Variants in CRYM observed in about 807,000 individuals in gnomAD.
CRYM encodes crystallin mu, also known as ketimine reductase mu-crystallin.
A neutral mutation model predicts 32.9 loss-of-function variants in CRYM; 18 were observed. That is an observed-to-expected ratio of 0.55 (90% CI 0.38 to 0.81). The LOEUF (loss-of-function observed/expected upper bound fraction) is 0.81, where lower values mean the gene tolerates loss of function less well. Among genes scored for constraint, CRYM ranks in the 30% least tolerant of loss-of-function variants. CRYM has a pLI of 0.00. For missense variants in CRYM, 337 were observed against 393.5 expected (o/e 0.86, Z 1.21); for synonymous variants, 153 against 152.4 (o/e 1.00, Z -0.03).
At chr16:21,289,582 T>C (rs577735309) in intron 1 of CRYM, among the ~76,000 whole-genome samples, 1 of 152,328 alleles carries the variant, frequency 6.6e-6, no homozygotes, top group South Asian at 2.1e-4. Context: ...TAATCACTGA[T>C]AGGGAAAGAC....
intron 5 of CRYM, among the ~76,000 whole-genome samples, chr16:21,265,887 G>A (rs367963434): frequency 6.6e-6 from 1 of 152,242 alleles, no homozygotes; most frequent in East Asian, 1.9e-4. Context: ...TGGACTCTGA[G>A]GATAGAGTGC....
intron 3 of CRYM, among the ~76,000 whole-genome samples, chr16:21,275,202 CTTA>C (rs1412059948): frequency 1.3e-5 from 2 of 152,196 alleles, no homozygotes; most frequent in African/African-American, 4.8e-5. Context: ...TACTCTAGCA[CTTA>C]TTAGCTGTGT....
intron 1 of CRYM, among the ~76,000 whole-genome samples, chr16:21,297,250 C>T (rs1422524303): frequency 6.6e-6 from 1 of 151,886 alleles, no homozygotes; most frequent in African/African-American, 2.4e-5. Flanking sequence ...AAAAATTAGC[C>T]GGGCATGGTG....
upstream of CRYM, among the ~76,000 whole-genome samples, chr16:21,282,925 T>C (rs1435483408): frequency 1.3e-5 from 2 of 151,802 alleles, no homozygotes; most frequent in Non-Finnish European, 2.9e-5. Context: ...GTTTATTTTA[T>C]TATTATTAAA....
intron 1 of CRYM, among the ~76,000 whole-genome samples, chr16:21,290,529 C>T (rs1414565288): frequency 3.3e-5 from 5 of 151,982 alleles, no homozygotes; most frequent in Admixed American, 6.5e-5. Flanking sequence ...TTGAAGTCAG[C>T]GAGACCAAGA....
chr16:21,258,919 G>A, intron 7 of CRYM, 74 bp from the exon 8 acceptor site: 1 of 1,200,058 alleles, frequency 8.3e-7, no homozygotes. Flanking sequence ...CCCATGGCTG[G>A]AAGTTTCCTG....
At chr16:21,263,623 G>A (rs1238801399) in intron 5 of CRYM, among the ~76,000 whole-genome samples, 3 of 152,196 alleles carry the variant, frequency 2.0e-5, no homozygotes, top group African/African-American at 7.2e-5. Context: ...AAAGAAAACT[G>A]GCTCCGTCCT....
upstream of CRYM, among the ~76,000 whole-genome samples, chr16:21,281,185 T>C (rs2093397530): frequency 6.6e-6 from 1 of 151,626 alleles, no homozygotes; most frequent in Non-Finnish European, 1.5e-5. Flanking sequence ...TATACGTATC[T>C]ATGTATCTAT....
chr16:21,301,966 G>A (rs1960954423), intron 1 of CRYM, among the ~76,000 whole-genome samples: 1 of 152,208 alleles, frequency 6.6e-6, no homozygotes, highest in Non-Finnish European at 1.5e-5. Flanking sequence ...CGACGCCCGG[G>A]AGGCCCACCC....
At chr16:21,291,692 G>A (rs1449422726) in intron 1 of CRYM, among the ~76,000 whole-genome samples, 2 of 152,132 alleles carry the variant, frequency 1.3e-5, no homozygotes. Flanking sequence ...CTTTGCATGT[G>A]CTTATTTGCC....
At chr16:21,289,157 G>C (rs1052019926) in intron 1 of CRYM, among the ~76,000 whole-genome samples, 46 of 152,034 alleles carry the variant, frequency 3.0e-4, no homozygotes, top group African/African-American at 9.9e-4. Context: ...CAATGTAGTT[G>C]TTCTATAATT....
chr16:21,301,241 G>A (rs1295550770), intron 1 of CRYM: 3 of 152,494 alleles, frequency 2.0e-5, no homozygotes, highest in Non-Finnish European at 4.4e-5. Context: ...TGGCACACGA[G>A]GGAGAGAGAA....
rs1416597898 is a variant in CRYM, at chr16:21,273,895, T to C, written c.387+1637A>G. Among the ~76,000 whole-genome samples, 3 of 152,362 alleles carry C rather than the reference T, an allele frequency of 2.0e-5. No individual in the cohort carries two copies. In the East Asian group the frequency reaches 5.8e-4, roughly 29 times the overall value. ...GCAAGGAGTCCTTGATTACTTCAGT[T>C]GAGTCAGGTCTGGATATAACTAAAA... is the stretch of plus-strand genomic sequence containing the variant. On this transcript the variant is annotated intron_variant, in intron 3 of 7. Transcript: ENST00000572914.
chr16:21,290,438 T>G (rs751703379), intron 1 of CRYM, among the ~76,000 whole-genome samples: 1 of 152,014 alleles, frequency 6.6e-6, no homozygotes, highest in African/African-American at 2.4e-5. Flanking sequence ...TCGGGACACA[T>G]CTGAACATCT....
chr16:21,267,126 C>T (rs1023118042), intron 5 of CRYM, among the ~76,000 whole-genome samples: 6 of 152,096 alleles, frequency 3.9e-5, no homozygotes, highest in Non-Finnish European at 8.8e-5. Flanking sequence ...AAGACAGAGT[C>T]TCTCTCTGTT....
chr16:21,302,502 C>T (rs1960975637), intron 1 of CRYM, among the ~76,000 whole-genome samples: 1 of 152,144 alleles, frequency 6.6e-6, no homozygotes, highest in Admixed American at 6.5e-5. Flanking sequence ...AAGCTGTTGT[C>T]CTAGGGAAGA....
chr16:21,288,134 C>CA (rs2093410517), intron 1 of CRYM, among the ~76,000 whole-genome samples: 1 of 152,184 alleles, frequency 6.6e-6, no homozygotes, highest in Non-Finnish European at 1.5e-5. Context: ...GTTGGGGTGT[C>CA]AGAGAATAGG....
At chr16:21,272,838 T>G (rs1308179574) in intron 3 of CRYM, among the ~76,000 whole-genome samples, 1 of 144,028 alleles carries the variant, frequency 6.9e-6, no homozygotes, top group Non-Finnish European at 1.5e-5. Context: ...TTTTTTTTTT[T>G]TTTTTTTTTA....
chr16:21,288,298 T>A (rs1348509517), intron 1 of CRYM, among the ~76,000 whole-genome samples: 1 of 152,246 alleles, frequency 6.6e-6, no homozygotes, highest in African/African-American at 2.4e-5. Flanking sequence ...TATAGGTCTA[T>A]TCAGATATTT....
Sources: allele counts gnomAD v4.1 joint callset (sites outside exome capture counted in the v4.1 genomes callset), GRCh38; gene constraint gnomAD v4.1.1; transcripts MANE v1.5; gene names NCBI Gene and HGNC (gene_info 2026-07-23, HGNC 2026-07-21).